NRP1: variants seen among roughly 807,000 people sequenced by gnomAD.
NRP1 encodes neuropilin 1.
Under a neutral mutation model 106.7 loss-of-function variants are expected in NRP1, and 35 were observed. The observed-to-expected ratio is 0.33, with a 90% CI of 0.25 to 0.43. NRP1 has a LOEUF of 0.43. Ranked by LOEUF, NRP1 falls within the 20% of genes least tolerant of loss-of-function variation. The pLI is 1.00. For missense variants in NRP1, 1,024 were observed against 1,170.4 expected (o/e 0.87, Z 1.83); for synonymous variants, 437 against 417.9 (o/e 1.05, Z -0.56).
intron 2 of NRP1, among the ~76,000 whole-genome samples, chr10:33,317,347 C>T (rs891499302): frequency 3.9e-5 from 6 of 152,184 alleles, no homozygotes; most frequent in Non-Finnish European, 1.5e-5. Flanking sequence ...CAACTCCCCT[C>T]CCTACTACTG....
chr10:33,250,324 G>T (rs1181642284), intron 6 of NRP1, among the ~76,000 whole-genome samples: 1 of 152,184 alleles, frequency 6.6e-6, no homozygotes, highest in African/African-American at 2.4e-5. Context: ...ATCAGTGGAT[G>T]ATAACAGCAC....
At chr10:33,280,679 T>C (rs1844056948) in intron 2 of NRP1, among the ~76,000 whole-genome samples, 1 of 152,148 alleles carries the variant, frequency 6.6e-6, no homozygotes, top group African/African-American at 2.4e-5. Flanking sequence ...TGAAGGTTTT[T>C]TCCCTATAAA....
In NRP1 at chr10:33,256,466, G is replaced by T. The variant is rs143227333; in HGVS notation, c.664C>A (p.Pro222Thr). 3.7e-6 allele frequency: 6 copies of T among 1,613,852 alleles called. No individual in the cohort carries two copies. In the African/African-American group the frequency reaches 8.0e-5, roughly 22 times the overall value. The change falls in exon 5 of 17, where the codon CCT becomes ACT. Residue 222 changes from proline (P) to threonine (T), a missense_variant. Physicochemically the swap from Pro to Thr is conservative, Grantham distance 38 (BLOSUM62 -1). This residue lies in a region of NRP1 where 279 missense variants were observed against 327.4 expected (regional missense o/e 0.85). Coordinates refer to ENST00000374867, the MANE Select transcript of NRP1 (RefSeq NM_003873.7). ...TGTCCACAGTAACGCCCAATGTGAGGGCCAACTGGAAAGGGAGGAATACAG... is the reference window on the plus strand; with the variant it reads ...TGTCCACAGTAACGCCCAATGTGAGTGCCAACTGGAAAGGGAGGAATACAG... ...EIWDGFPDVG[P>T]HIGRYCGQKT...
At position 33,331,243 on chromosome 10, in the gene NRP1, A is replaced by G. The variant is rs141625185; in HGVS notation, c.74-361T>C. Among the ~76,000 whole-genome samples, 157 of 152,242 alleles carry G rather than the reference A, an allele frequency of 1.0e-3. 1 individual carries two copies. The highest frequency in any genetic ancestry group is 3.3e-3 in the African/African-American group (136 of 41,538). On this transcript the variant is annotated intron_variant, in intron 1 of 16. Transcript: ENST00000374867. ...ACTTAATTATCCCCCAAGAAGTGTA[A>G]TCACATTAAGTAGCAAGTTCTAAGT...
intron 2 of NRP1, among the ~76,000 whole-genome samples, chr10:33,324,957 G>T (rs1209036786): frequency 6.6e-6 from 1 of 152,112 alleles, no homozygotes; most frequent in Non-Finnish European, 1.5e-5. Context: ...TAAGACTCTA[G>T]TTGAGTTTTA....
chr10:33,240,910 G>A (rs1840962434), intron 6 of NRP1, among the ~76,000 whole-genome samples: 1 of 152,220 alleles, frequency 6.6e-6, no homozygotes, highest in Non-Finnish European at 1.5e-5. Context: ...GAGAACAGAT[G>A]AAGTGAACTT....
rs138796202 is a variant in NRP1, at chr10:33,180,349, G to A, written c.2499C>T (p.Tyr833=). The A allele has an allele frequency of 2.8e-5, 44 of 1,598,922 alleles. No individual in the cohort carries two copies. The highest frequency in any genetic ancestry group is 5.1e-5 in the Admixed American group (3 of 59,394). ...KIDETGSTPG[Y]EGEGEGDKNI... ...TCTTGTCACCTTCTCCTTCACCTTC[G>A]TATCCTGGCGTGCTCCCTATGGAAA... Residue 833 remains tyrosine (Y), a synonymous_variant, in exon 17 of 17, where the codon TAC becomes TAT. Transcript: ENST00000374867.
chr10:33,215,652 A>G (rs1263176929), intron 8 of NRP1, among the ~76,000 whole-genome samples: 1 of 152,246 alleles, frequency 6.6e-6, no homozygotes, highest in Non-Finnish European at 1.5e-5. Context: ...GCCTAAAAAT[A>G]TAACTACCCC....
At chr10:33,323,831 T>C (rs1023240634) in intron 2 of NRP1, among the ~76,000 whole-genome samples, 2 of 152,210 alleles carry the variant, frequency 1.3e-5, no homozygotes, top group African/African-American at 4.8e-5. Flanking sequence ...TGTGCGCTTC[T>C]GTGGAGCCAT....
chr10:33,285,140 T>C (rs142859530), intron 2 of NRP1, among the ~76,000 whole-genome samples: 76 of 152,358 alleles, frequency 5.0e-4, no homozygotes, highest in African/African-American at 1.6e-3. Flanking sequence ...AGACTGTGCC[T>C]ATACTTAGTA....
intron 13 of NRP1, among the ~76,000 whole-genome samples, chr10:33,190,790 G>GTA (rs1195279670): frequency 1.3e-5 from 2 of 152,088 alleles, no homozygotes; most frequent in Non-Finnish European, 2.9e-5. Context: ...GTGTGTGTGT[G>GTA]TATGTGTGTG....
chr10:33,263,777 A>G lies in NRP1; in HGVS notation c.527T>C (p.Ile176Thr), dbSNP rs2133244834. 1 of 1,613,660 alleles carries G rather than the reference A, an allele frequency of 6.2e-7. No individual in the cohort carries two copies. The highest frequency in any genetic ancestry group is 1.7e-5 in the Admixed American group (1 of 60,030). Residue 176 changes from isoleucine (I) to threonine (T), a missense_variant, in exon 4 of 17, where the codon ATT becomes ACT. Ile to Thr is a moderately conservative substitution (Grantham distance 89, BLOSUM62 -1). Coordinates refer to ENST00000374867, the MANE Select transcript of NRP1 (RefSeq NM_003873.7). ...CTCTGACATCTTTGGCACAAAGACA[A>G]TATAAGTGCATTCAAGGCTGTTGGG... The part of the protein sequence containing the change: ...KYPNSLECTY[I>T]VFVPKMSEII...
At chr10:33,192,736 C>T (rs1836502169) in intron 12 of NRP1, among the ~76,000 whole-genome samples, 1 of 152,204 alleles carries the variant, frequency 6.6e-6, no homozygotes, top group African/African-American at 2.4e-5. Flanking sequence ...TTGCTGCACT[C>T]TCCCCATTTC....
rs1839267610 is a variant in NRP1, at chr10:33,221,844, T to C, written c.1157A>G (p.Asn386Ser). 7.4e-6 allele frequency: 12 copies of C among 1,612,506 alleles called. No homozygotes were observed. The highest frequency in any genetic ancestry group is 1.0e-5 in the Non-Finnish European group (12 of 1,178,686). ...TACTGCAACCACAACATCTGTGGGG[T>C]TGGTGTTTCCCTGAAAGAGCTGTAT... ...NKPVLFQGNTNPTDVVVAVFP... is the reference protein window; with the variant it reads ...NKPVLFQGNTSPTDVVVAVFP... The change falls in exon 8 of 17, where the codon AAC becomes AGC. Residue 386 changes from asparagine (N) to serine (S), a missense_variant. Transcript: ENST00000374867.
At position 33,223,518 on chromosome 10, in the gene NRP1, C is replaced by T. The variant is rs1343227596; in HGVS notation, c.1138-1655G>A. Among the ~76,000 whole-genome samples the T allele has an allele frequency of 3.3e-5, 5 of 151,532 alleles. No homozygotes were observed. The South Asian group carries it at 6.3e-4, about 19-fold the overall frequency. On this transcript the variant is annotated intron_variant, in intron 7 of 16. Transcript: ENST00000374867. ...TGGTGCATGCCTGTGGTCTCAGCTACTTGGGAGATTTAGCTGGGAGGATGG... is the reference window on the plus strand; with the variant it reads ...TGGTGCATGCCTGTGGTCTCAGCTATTTGGGAGATTTAGCTGGGAGGATGG...
At chr10:33,240,750 A>G (rs911289913) in intron 6 of NRP1, among the ~76,000 whole-genome samples, 3 of 152,172 alleles carry the variant, frequency 2.0e-5, no homozygotes, top group Non-Finnish European at 4.4e-5. Context: ...TGATGGGATT[A>G]CTGAGATTAA....
At chr10:33,260,433 G>A (rs1438134548) in intron 4 of NRP1, among the ~76,000 whole-genome samples, 1 of 152,098 alleles carries the variant, frequency 6.6e-6, no homozygotes, top group African/African-American at 2.4e-5. Context: ...TTTATGAAAT[G>A]TATTCCTGAA....
chr10:33,237,487 G>GCGCGCACGCA (rs1554788780), intron 6 of NRP1, among the ~76,000 whole-genome samples: 451 of 144,848 alleles, frequency 3.1e-3, no homozygotes, highest in Non-Finnish European at 5.6e-3. Flanking sequence ...ACATGCGCGC[G>GCGCGCACGCA]CACACACACA....
At position 33,256,612 on chromosome 10, in the gene NRP1, TTTGCTGTGAACATATTGGA is replaced by T. The variant is rs1416357908; in HGVS notation, c.659-160_659-142del. 38 of 896,684 alleles carry T rather than the reference TTTGCTGTGAACATATTGGA, an allele frequency of 4.2e-5. No individual in the cohort carries two copies. In the Admixed American group the frequency reaches 6.1e-4, roughly 14 times the overall value. The allele number at this position is 896,684 out of a possible 1,614,324, so 55.5% of individuals were successfully genotyped here. On this transcript the variant is annotated intron_variant, in intron 4 of 16. Transcript: ENST00000374867. The stretch of plus-strand genomic sequence containing the variant: ...AGCAAGGCTTCCCTAAGTTAATTGG[TTTGCTGTGAACATATTGGA>T]TTGGGTTTGCGGAGAAGATTTTAAA...
Sources: allele counts gnomAD v4.1 joint callset (sites outside exome capture counted in the v4.1 genomes callset), GRCh38; gene constraint gnomAD v4.1.1; regional missense constraint gnomAD v4.1.1; transcripts MANE v1.5; gene names NCBI Gene and HGNC (gene_info 2026-07-23, HGNC 2026-07-21).